Variants in FAM149A observed in about 807,000 individuals in gnomAD.
FAM149A encodes protein FAM149A.
A neutral mutation model predicts 78.2 loss-of-function variants in FAM149A; 71 were observed. The ratio of observed to expected loss-of-function variants is 0.91; its 90% CI spans 0.75 to 1.11. FAM149A has a LOEUF of 1.11. Ranked by LOEUF, FAM149A falls within the 50% of genes least tolerant of loss-of-function variation. The pLI is 0.00. For synonymous variants in FAM149A, 446 were observed against 410.5 expected (o/e 1.09, Z -1.04); for missense variants, 1,036 against 971.0 (o/e 1.07, Z -0.89).
Position 186,104,774 on chromosome 4 carries a change from G to GCGGCGGGCGGCGGGCGGCGGGCGGCGGGC in FAM149A, c.-303_-302insCGGCGGGCGGCGGGCGGCGGGCGGCGGGC, listed in dbSNP as rs1389440429. On this transcript the variant is annotated 5_prime_UTR_variant, in exon 1 of 14. Coordinates refer to ENST00000389354, the MANE Select transcript of FAM149A (RefSeq NM_001367768.3). ...GCGGGCGGCGGGCGGCGGGCGTCTGGGGCGGGCGGCGGCCGCGCTTCCCGG... is the reference window on the plus strand; with the variant it reads ...GCGGGCGGCGGGCGGCGGGCGTCTGGCGGCGGGCGGCGGGCGGCGGGCGGCGGGCGGCGGGCGGCGGCCGCGCTTCCCGG... Among the ~76,000 whole-genome samples, 2 of 146,320 alleles carry GCGGCGGGCGGCGGGCGGCGGGCGGCGGGC rather than the reference G, an allele frequency of 1.4e-5. No homozygotes were observed. Among genetic ancestry groups the GCGGCGGGCGGCGGGCGGCGGGCGGCGGGC allele is most frequent in the African/African-American group, 5.3e-5 (2 of 37,524 alleles).
chr4:186,158,100 G>C, intron 8 of FAM149A: 2 of 1,331,864 alleles, frequency 1.5e-6, no homozygotes, highest in South Asian at 2.4e-5. Flanking sequence ...CATTGTTGCT[G>C]TTGAACCCTG....
Position 186,105,315 on chromosome 4 carries a change from G to T in FAM149A, c.239G>T (p.Arg80Leu). 1.7e-6 allele frequency: 2 copies of T among 1,169,866 alleles called. No homozygotes were observed. Among genetic ancestry groups the T allele is most frequent in the Non-Finnish European group, 2.1e-6 (2 of 940,226 alleles). The allele number at this position is 1,169,866 out of a possible 1,614,324, so 72.5% of individuals were successfully genotyped here. A position where few individuals can be genotyped will look rare whatever the true frequency, so the allele number is the denominator to read the frequency against. The change falls in exon 1 of 14, where the codon CGG (arginine) becomes CTG (leucine). Residue 80 changes from arginine (R) to leucine (L), a missense_variant. Physicochemically the swap from Arg to Leu is moderately radical, Grantham distance 102 (BLOSUM62 -2). This residue lies in a region of FAM149A where 316 missense variants were observed against 241.9 expected (regional missense o/e 1.31). Transcript: ENST00000389354. ...CCGCTGCTCTCCTCCCCCTACTCCC[G>T]GGGCTCCGCCGCCAGCCGCGCCGCG...
intron 3 of FAM149A, among the ~76,000 whole-genome samples, chr4:186,150,633 A>G (rs13127615): frequency 0.41 from 55,744 of 135,012 alleles, 11,951 homozygotes; most frequent in East Asian, 0.51. Context: ...GTTAGCCAGG[A>G]TGGTCTCGAT....
At chr4:186,121,937 A>G (rs1011135071) in intron 1 of FAM149A, among the ~76,000 whole-genome samples, 1 of 152,146 alleles carries the variant, frequency 6.6e-6, no homozygotes, top group Non-Finnish European at 1.5e-5. Flanking sequence ...ATTCTCTGTT[A>G]ACTGTGCCGA....
intron 6 of FAM149A, chr4:186,154,870 C>G: frequency 1.0e-6 from 1 of 985,344 alleles, no homozygotes; most frequent in Non-Finnish European, 1.2e-6. Flanking sequence ...CAAGGCTCCT[C>G]GCAGCCCTGG....
chr4:186,150,941 C>T (rs576177043), intron 3 of FAM149A: 21 of 652,864 alleles, frequency 3.2e-5, no homozygotes, highest in East Asian at 1.4e-4. Context: ...AGGCTGGTTT[C>T]GAACTCCTGA....
rs199913408 is a variant in FAM149A, at chr4:186,153,696, C to T, written c.984C>T (p.Phe328=). The stretch of plus-strand genomic sequence containing the variant: ...CCACTGACAAAGGCGTCCAGCATTT[C>T]CAGGGCAGCACTCCTGCCTCCGCAG... Residue 328 remains phenylalanine (F), a synonymous_variant, in exon 5 of 14, where the codon TTC becomes TTT. Transcript: ENST00000389354. 103 of 1,614,096 alleles carry T rather than the reference C, an allele frequency of 6.4e-5. 1 individual carries two copies. In the East Asian group the frequency reaches 2.3e-3, roughly 36 times the overall value.
At position 186,154,867 on chromosome 4, in the gene FAM149A, C is replaced by G. The variant is rs1404249434; in HGVS notation, c.1229+229C>G. 11 of 985,242 alleles carry G rather than the reference C, an allele frequency of 1.1e-5. 1 individual carries two copies. The highest frequency in any genetic ancestry group is 1.3e-5 in the Non-Finnish European group (11 of 829,904). 61.0% of individuals were successfully genotyped at this position (985,242 alleles called of 1,614,324 possible). On this transcript the variant is annotated intron_variant, in intron 6 of 13. Transcript: ENST00000389354. ...TGCCCTTGTAAAAGCAGACAAGGCT[C>G]CTCGCAGCCCTGGTCCTGGGGGCTC...
At chr4:186,136,398 C>CA (rs541195015) in intron 1 of FAM149A, among the ~76,000 whole-genome samples, 6 of 152,188 alleles carry the variant, frequency 3.9e-5, no homozygotes, top group Admixed American at 3.9e-4. Context: ...TAGGTTGAAA[C>CA]AATGAAATTT....
chr4:186,148,571 T>C (rs2126450159), intron 1 of FAM149A, among the ~76,000 whole-genome samples: 1 of 152,314 alleles, frequency 6.6e-6, no homozygotes, highest in South Asian at 2.1e-4. Flanking sequence ...CAGTTAGGCT[T>C]AATAGTTTAT....
intron 8 of FAM149A, chr4:186,160,796 A>G (rs1176133787): frequency 2.0e-6 from 2 of 984,864 alleles, no homozygotes; most frequent in African/African-American, 3.5e-5. Flanking sequence ...ACACACACAC[A>G]CACACATCTC....
rs1561409705 is a variant in FAM149A, at chr4:186,156,142, GA to G, written c.1374del (p.Glu458AspfsTer6). 8 of 1,613,618 alleles carry G rather than the reference GA, an allele frequency of 5.0e-6. No individual in the cohort carries two copies. The highest frequency in any genetic ancestry group is 5.9e-6 in the Non-Finnish European group (7 of 1,179,820). On this transcript the variant is annotated frameshift_variant, in exon 7 of 14. Transcript: ENST00000389354. LOFTEE classifies it high-confidence loss of function. The stretch of plus-strand genomic sequence containing the variant: ...TGATCACGTCTGGACAAATATGGTA[GA>G]ACTTTTGGAAGAGCTGATTAGAAAA...
chr4:186,145,405 C>G (rs1360924718), intron 1 of FAM149A, among the ~76,000 whole-genome samples: 1 of 152,202 alleles, frequency 6.6e-6, no homozygotes, highest in Non-Finnish European at 1.5e-5. Context: ...TGTGTCCCCC[C>G]ATCCAGAAAA....
intron 1 of FAM149A, among the ~76,000 whole-genome samples, chr4:186,106,454 T>C: frequency 6.6e-6 from 1 of 152,206 alleles, no homozygotes; most frequent in South Asian, 2.1e-4. Flanking sequence ...ATTTTCATCC[T>C]GAATGCTGCA....
intron 1 of FAM149A, chr4:186,123,228 T>C (rs924948615): frequency 3.8e-5 from 37 of 985,322 alleles, no homozygotes; most frequent in Non-Finnish European, 3.9e-5. Flanking sequence ...CCAAATCTTA[T>C]TTTTGCAAAA....
intron 2 of FAM149A, 79 bp from the exon 3 acceptor site, chr4:186,149,487 G>A (rs1733303689): frequency 8.1e-7 from 1 of 1,237,682 alleles, no homozygotes; most frequent in African/African-American, 1.6e-5. Context: ...AGAGGAAGCA[G>A]GCTCAGAAAA....
At position 186,135,598 on chromosome 4, in the gene FAM149A, C is replaced by T. The variant is rs559682683; in HGVS notation, c.567-13575C>T. 5.3e-4 allele frequency among the ~76,000 whole-genome samples: 80 copies of T among 152,298 alleles called. No individual in the cohort carries two copies. In the South Asian group the frequency reaches 7.7e-3, roughly 15 times the overall value. ...AGACACCTCATTTAATATATAGTAG[C>T]GACTTGCTAACATTGAACTCACCGA... On this transcript the variant is annotated intron_variant, in intron 1 of 13. Transcript: ENST00000389354.
At chr4:186,150,127 CG>C (rs1315510110) in intron 3 of FAM149A, among the ~76,000 whole-genome samples, 2 of 129,032 alleles carry the variant, frequency 1.6e-5, no homozygotes, top group Non-Finnish European at 3.7e-5. Context: ...CACCCCCTAC[CG>C]CTGGGGGCGC....
At chr4:186,134,543 G>T (rs1254162187) in intron 1 of FAM149A, among the ~76,000 whole-genome samples, 2 of 152,150 alleles carry the variant, frequency 1.3e-5, no homozygotes, top group African/African-American at 4.8e-5. Context: ...AAGTAAAGAG[G>T]AACCTCTGTG....
Sources: gnomAD v4.1 joint callset for allele counts (sites outside exome capture counted in the v4.1 genomes callset) on GRCh38, gnomAD v4.1.1 for gene constraint, gnomAD v4.1.1 regional missense constraint, MANE v1.5 for transcripts, NCBI Gene and HGNC (gene_info 2026-07-23, HGNC 2026-07-21) for gene names.